DPP6: variants seen among roughly 807,000 people sequenced by gnomAD.
DPP6 encodes the protein dipeptidyl peptidase like 6.
DPP6 carries 69 observed loss-of-function variants against 122.6 expected under a neutral mutation model. The ratio of observed to expected loss-of-function variants is 0.56; its 90% CI spans 0.46 to 0.69. The LOEUF (loss-of-function observed/expected upper bound fraction) is 0.69. DPP6 is among the 30% of genes least tolerant of loss of function. DPP6 has a pLI of 0.00. For synonymous variants in DPP6, 418 were observed against 433.1 expected (o/e 0.97, Z 0.43); for missense variants, 928 against 1,116.9 (o/e 0.83, Z 2.41).
intron 16 of DPP6, chr7:154,838,948 G>C (rs1801300298): frequency 6.6e-6 from 1 of 152,220 alleles, no homozygotes; most frequent in East Asian, 1.9e-4. Context: ...TACTCCTGTT[G>C]TTGGGGCTTC....
chr7:154,728,375 A>C (rs993607759), intron 8 of DPP6, among the ~76,000 whole-genome samples: 2 of 152,188 alleles, frequency 1.3e-5, no homozygotes, highest in African/African-American at 4.8e-5. Context: ...GAGCGCCTCC[A>C]CCTTGCTGGA....
intron 3 of DPP6, among the ~76,000 whole-genome samples, chr7:154,500,744 G>C (rs1825169047): frequency 6.6e-6 from 1 of 152,164 alleles, no homozygotes; most frequent in Admixed American, 6.6e-5. Flanking sequence ...TTTATCAGCA[G>C]CCTGAAAATG....
At chr7:154,187,659 A>G (rs1798414809) in intron 1 of DPP6, among the ~76,000 whole-genome samples, 1 of 152,202 alleles carries the variant, frequency 6.6e-6, no homozygotes, top group South Asian at 2.1e-4. Context: ...AGAACCGAGC[A>G]ATGAACAGGA....
intron 6 of DPP6, among the ~76,000 whole-genome samples, chr7:154,648,510 A>C (rs1836651640): frequency 1.3e-5 from 2 of 152,252 alleles, no homozygotes; most frequent in Middle Eastern, 6.8e-3. Context: ...AAAGGGCATC[A>C]CTCAAGGAGA....
At chr7:154,707,058 A>G (rs1457042640) in intron 7 of DPP6, among the ~76,000 whole-genome samples, 1 of 152,196 alleles carries the variant, frequency 6.6e-6, no homozygotes, top group Non-Finnish European at 1.5e-5. Context: ...TCCTGAAGTA[A>G]TTTGCTGGAG....
intron 4 of DPP6, among the ~76,000 whole-genome samples, chr7:154,549,065 T>A (rs1829434959): frequency 6.6e-6 from 1 of 152,174 alleles, no homozygotes. Context: ...GAGAGAGGTC[T>A]TCAGGAAGCT....
At chr7:153,873,616 A>G in the DPP6 span, among the ~76,000 whole-genome samples, 1 of 152,218 alleles carries the variant, frequency 6.6e-6, no homozygotes, top group African/African-American at 2.4e-5. Flanking sequence ...CTCGACAGGA[A>G]AGTCTGGAGG....
chr7:153,866,833 G>A, the DPP6 span, among the ~76,000 whole-genome samples: 6 of 152,102 alleles, frequency 3.9e-5, no homozygotes, highest in Admixed American at 3.3e-4. Flanking sequence ...TGTATAAGGT[G>A]TAAGGAAGGG....
upstream of DPP6, among the ~76,000 whole-genome samples, chr7:153,886,112 T>TACACACACAC (rs60245538): frequency 0.031 from 4,297 of 140,348 alleles, 104 homozygotes; most frequent in Non-Finnish European, 0.037. Context: ...GGCACGCCCT[T>TACACACACAC]ACACACACAC....
At chr7:154,328,888 G>A (rs1009366619) in intron 1 of DPP6, among the ~76,000 whole-genome samples, 8 of 152,164 alleles carry the variant, frequency 5.3e-5, no homozygotes, top group Non-Finnish European at 1.2e-4. Context: ...TCATGGACAT[G>A]ACCAGATCCA....
chr7:154,554,348 AT>A (rs940892092), intron 4 of DPP6, among the ~76,000 whole-genome samples: 3 of 151,886 alleles, frequency 2.0e-5, no homozygotes, highest in Non-Finnish European at 2.9e-5. Context: ...CATCTTGTAT[AT>A]TTAGGGTTTT....
At chr7:154,528,234 C>A (rs1274220759) in intron 3 of DPP6, among the ~76,000 whole-genome samples, 1 of 152,162 alleles carries the variant, frequency 6.6e-6, no homozygotes, top group South Asian at 2.1e-4. Flanking sequence ...TTTCTTAGAA[C>A]TCCCATTGAG....
At chr7:153,886,315 C>T (rs1356368420), upstream of DPP6, among the ~76,000 whole-genome samples, 1 of 152,144 alleles carries the variant, frequency 6.6e-6, no homozygotes, top group East Asian at 1.9e-4. Flanking sequence ...GGAACAGCGC[C>T]CAGGGGCAGC....
In DPP6 at chr7:154,821,397, TG is replaced by T. The variant is rs1587244982; in HGVS notation, c.1666+14287del. ...GTCCTTTTTGCCACTAGATCCAACA[TG>T]GATAGACAGATAATAGATGAGAGGG... On this transcript the variant is annotated intron_variant, in intron 16 of 25. Coordinates refer to ENST00000377770, the MANE Select transcript of DPP6 (RefSeq NM_130797.4). The surrounding 1 kb of genome is among the most constrained non-coding windows in gnomAD (Gnocchi z 4.2). 2.0e-5 allele frequency among the ~76,000 whole-genome samples: 3 copies of T among 152,144 alleles called. No homozygotes were observed. The East Asian group carries it at 5.8e-4, about 29-fold the overall frequency.
At chr7:154,574,506 ATGTG>A (rs1831357617) in intron 5 of DPP6, among the ~76,000 whole-genome samples, 1 of 87,738 alleles carries the variant, frequency 1.1e-5, no homozygotes, top group African/African-American at 4.6e-5. Flanking sequence ...TGGTGTGTGT[ATGTG>A]TGGTGTGGTG....
chr7:154,749,122 C>T (rs1451125025), intron 8 of DPP6, among the ~76,000 whole-genome samples: 95 of 75,870 alleles, frequency 1.3e-3, no homozygotes, highest in African/African-American at 4.6e-3. Flanking sequence ...AGCATAGGAC[C>T]GGAAAGAGAA....
the DPP6 span, among the ~76,000 whole-genome samples, chr7:153,770,708 T>C: frequency 4.6e-5 from 7 of 152,132 alleles, 1 homozygote; most frequent in Admixed American, 4.6e-4. Flanking sequence ...TTAAAATAAC[T>C]ATGACTATGT....
chr7:154,215,466 C>T (rs933933214), intron 1 of DPP6, among the ~76,000 whole-genome samples: 2 of 152,098 alleles, frequency 1.3e-5, no homozygotes, highest in Non-Finnish European at 2.9e-5. Flanking sequence ...CTGTGGTGTG[C>T]GGATGGTTTT....
chr7:153,980,193 T>C (rs1336890420), intron 1 of DPP6, among the ~76,000 whole-genome samples: 1 of 152,184 alleles, frequency 6.6e-6, no homozygotes, highest in Non-Finnish European at 1.5e-5. Flanking sequence ...TTTTGGTTGG[T>C]AGGCTATTAA....
Sources: allele counts gnomAD v4.1 joint callset (sites outside exome capture counted in the v4.1 genomes callset), GRCh38; gene constraint gnomAD v4.1.1; non-coding constraint Gnocchi (gnomAD v3.1); transcripts MANE v1.5; gene names NCBI Gene and HGNC (gene_info 2026-07-23, HGNC 2026-07-21).